Variants in MTA3 observed in about 807,000 individuals in gnomAD.
The protein encoded by MTA3 is metastasis associated 1 family member 3, also known as metastasis-associated protein MTA3.
In MTA3, 34 loss-of-function variants were observed where a neutral mutation model predicts 83.5. That is an observed-to-expected ratio of 0.41 (90% CI 0.31 to 0.54). MTA3 has a LOEUF of 0.54. Ranked by LOEUF, MTA3 falls within the 20% of genes least tolerant of loss-of-function variation. The pLI is 0.33. For synonymous variants in MTA3, 303 were observed against 252.7 expected (o/e 1.20, Z -1.89); for missense variants, 761 against 726.4 (o/e 1.05, Z -0.55).
chr2:42,640,230 TAAG>T lies in MTA3; in HGVS notation c.376_378del (p.Lys126del). The T allele has an allele frequency of 6.2e-7, 1 of 1,604,026 alleles. No individual in the cohort carries two copies. Among genetic ancestry groups the T allele is most frequent in the African/African-American group, 1.3e-5 (1 of 74,898 alleles). ...CAGAATCAGTATTGTCATATCTTGATAAGGAGGTAATTCACAATCATAGTTGTT... is the reference window on the plus strand; with the variant it reads ...CAGAATCAGTATTGTCATATCTTGATGAGGTAATTCACAATCATAGTTGTT... On this transcript the variant is annotated inframe_deletion, in exon 5 of 17. Coordinates refer to ENST00000405094, the MANE Select transcript of MTA3 (RefSeq NM_001330442.2).
At chr2:42,624,271 A>T (rs1210660327) in intron 4 of MTA3, among the ~76,000 whole-genome samples, 1 of 151,998 alleles carries the variant, frequency 6.6e-6, no homozygotes, top group Non-Finnish European at 1.5e-5. Context: ...TTGGATTTTT[A>T]TTAATTTTCA....
chr2:42,623,912 G>A (rs963021141), intron 4 of MTA3, among the ~76,000 whole-genome samples: 12 of 151,994 alleles, frequency 7.9e-5, no homozygotes, highest in Non-Finnish European at 1.3e-4. Context: ...AGCTGGTCTC[G>A]AACTCCTGAC....
Position 42,502,397 on chromosome 2 carries a change from T to C in MTA3, c.-141+7143T>C, listed in dbSNP as rs554558781. Reference sequence around the variant, plus strand: ...TGGATGTGTTTGGTGGAGGTACGGGTTTCTGAAAAACAACTCAGGGACATA... The same window carrying C: ...TGGATGTGTTTGGTGGAGGTACGGGCTTCTGAAAAACAACTCAGGGACATA... On this transcript the variant is annotated intron_variant, in intron 2 of 17. Transcript: ENST00000405592. Among the ~76,000 whole-genome samples the C allele has an allele frequency of 2.0e-5, 3 of 152,240 alleles. No individual in the cohort carries two copies. In the South Asian group the frequency reaches 6.2e-4, roughly 32 times the overall value.
intron 8 of MTA3, among the ~76,000 whole-genome samples, chr2:42,679,861 G>C (rs1691713962): frequency 6.7e-6 from 1 of 148,752 alleles, no homozygotes; most frequent in Admixed American, 6.7e-5. Context: ...TCCCCACTTT[G>C]GATTCTTTTC....
chr2:42,610,076 G>C (rs1001714298), intron 4 of MTA3, among the ~76,000 whole-genome samples: 2 of 152,100 alleles, frequency 1.3e-5, no homozygotes, highest in Non-Finnish European at 2.9e-5. Context: ...CTCCAGCCTG[G>C]ATGACAGAGT....
At chr2:42,665,284 C>T (rs1056772477) in intron 8 of MTA3, among the ~76,000 whole-genome samples, 1 of 152,044 alleles carries the variant, frequency 6.6e-6, no homozygotes, top group Non-Finnish European at 1.5e-5. Flanking sequence ...CCCAGCTACT[C>T]GGGAGGCTGA....
chr2:42,724,277 A>AAAACAC (rs1553396460), intron 16 of MTA3, among the ~76,000 whole-genome samples: 4 of 73,148 alleles, frequency 5.5e-5, no homozygotes, highest in African/African-American at 2.4e-4. Context: ...AGTCCTGAAA[A>AAAACAC]ACACACACAC....
intron 2 of MTA3, among the ~76,000 whole-genome samples, chr2:42,519,156 A>G (rs894562463): frequency 6.6e-6 from 1 of 152,156 alleles, no homozygotes; most frequent in African/African-American, 2.4e-5. Context: ...ACCCCTTGAT[A>G]TGATGTGATG....
intron 16 of MTA3, among the ~76,000 whole-genome samples, chr2:42,726,790 A>G (rs1162341328): frequency 2.0e-5 from 3 of 152,162 alleles, no homozygotes; most frequent in African/African-American, 7.2e-5. Context: ...CTTGGTATGG[A>G]CTGGGTGCAG....
intron 3 of MTA3, among the ~76,000 whole-genome samples, chr2:42,591,714 G>A (rs193190914): frequency 6.6e-5 from 10 of 151,732 alleles, no homozygotes; most frequent in Admixed American, 5.9e-4. Context: ...GCAGTGGTGC[G>A]ATCTCAGCTC....
intron 13 of MTA3, 83 bp from the exon 14 acceptor site, chr2:42,708,791 C>A: frequency 6.9e-7 from 1 of 1,450,896 alleles, no homozygotes; most frequent in Non-Finnish European, 9.5e-7. Flanking sequence ...AAAAGTTGCA[C>A]TTTTCTTTTG....
Position 42,576,789 on chromosome 2 carries a change from C to T in MTA3, c.97-2318C>T, listed in dbSNP as rs189827387. Among the ~76,000 whole-genome samples the T allele has an allele frequency of 6.1e-3, 923 of 152,174 alleles. 6 individuals carry two copies. The highest frequency in any genetic ancestry group is 0.017 in the South Asian group (82 of 4,820). ...GCGCATGCCTGTAATCCCAGCTACT[C>T]GGGAGGCTGAGGCAGGAGAATCGCT... On this transcript the variant is annotated intron_variant, in intron 2 of 16. Coordinates refer to ENST00000405094, the MANE Select transcript of MTA3 (RefSeq NM_001330442.2).
intron 3 of MTA3, among the ~76,000 whole-genome samples, chr2:42,593,885 C>G (rs983109127): frequency 6.6e-6 from 1 of 151,826 alleles, no homozygotes; most frequent in Non-Finnish European, 1.5e-5. Context: ...AGATATTCTT[C>G]CAATTTACAC....
At chr2:42,606,874 T>C (rs1209563511) in intron 3 of MTA3, among the ~76,000 whole-genome samples, 2 of 148,002 alleles carry the variant, frequency 1.4e-5, no homozygotes, top group Non-Finnish European at 3.0e-5. Context: ...GGTTAGGGGC[T>C]GGAGACCGGC....
intron 8 of MTA3, among the ~76,000 whole-genome samples, chr2:42,679,136 CATACTTGCCCTA>C (rs1691644928): frequency 6.6e-6 from 1 of 152,178 alleles, no homozygotes; most frequent in Non-Finnish European, 1.5e-5. Context: ...AACTTCCCCT[CATACTTGCCCTA>C]CCTACTTCAC....
chr2:42,516,981 C>T (rs1213017309), intron 2 of MTA3, among the ~76,000 whole-genome samples: 1 of 151,876 alleles, frequency 6.6e-6, no homozygotes, highest in South Asian at 2.1e-4. Context: ...AAAATTTGGC[C>T]CGGTGTGGTG....
At chr2:42,711,595 C>G (rs761585698) in intron 14 of MTA3, among the ~76,000 whole-genome samples, 4 of 152,108 alleles carry the variant, frequency 2.6e-5, no homozygotes, top group Non-Finnish European at 4.4e-5. Flanking sequence ...ATTTTTCAGA[C>G]AAGCAATGAA....
rs13031708 is a variant in MTA3, at chr2:42,524,473, T to G, written c.-141+29219T>G. On this transcript the variant is annotated intron_variant, in intron 2 of 17. Transcript: ENST00000405592. ...CCGCCACCACGCCTGGCTAGTTGTG[T>G]TTTTTTTTTTTTTTTTTTTTTTTGT... 1.5e-4 allele frequency among the ~76,000 whole-genome samples: 11 copies of G among 72,290 alleles called. No homozygotes were observed. The East Asian group carries it at 2.6e-3, about 17-fold the overall frequency. 47.4% of individuals were successfully genotyped at this position (72,290 alleles called of 152,430 possible).
At chr2:42,584,563 T>A (rs1680046157) in intron 3 of MTA3, among the ~76,000 whole-genome samples, 2 of 151,758 alleles carry the variant, frequency 1.3e-5, no homozygotes, top group African/African-American at 2.4e-5. Flanking sequence ...TTTTTTGGGA[T>A]GGAGTCTAGC....
Sources: gnomAD v4.1 joint callset for allele counts (sites outside exome capture counted in the v4.1 genomes callset) on GRCh38, gnomAD v4.1.1 for gene constraint, MANE v1.5 for transcripts, NCBI Gene and HGNC (gene_info 2026-07-23, HGNC 2026-07-21) for gene names.